The following DIS3L2 variants were observed in gnomAD, a reference collection of about 807,000 sequenced individuals.
DIS3L2 encodes the protein DIS3 like 3'-5' exoribonuclease 2.
DIS3L2 carries 34 observed loss-of-function variants against 97.5 expected under a neutral mutation model. That is an observed-to-expected ratio of 0.35 (90% CI 0.27 to 0.46). DIS3L2 has a LOEUF of 0.46. DIS3L2 is among the 20% of genes least tolerant of loss of function. The pLI, the probability that DIS3L2 is intolerant of heterozygous loss-of-function variation, is 1.00. For synonymous variants in DIS3L2, 435 were observed against 445.2 expected, an observed-to-expected ratio of 0.98 and a Z score of 0.29; for missense variants, 1,038 against 1,146.0, an observed-to-expected ratio of 0.91 and a Z score of 1.36.
At chr2:232,130,883 T>A in intron 7 of DIS3L2, 164 bp downstream of exon 7, 1 of 1,046,390 alleles carries the variant, frequency 9.6e-7, no homozygotes, top group Non-Finnish European at 1.3e-6. Flanking sequence ...TTTAAACATA[T>A]AAATACGAAT....
chr2:232,094,167 G>T (rs1696928911), intron 6 of DIS3L2, among the ~76,000 whole-genome samples: 1 of 152,028 alleles, frequency 6.6e-6, no homozygotes, highest in African/African-American at 2.4e-5. Context: ...TTGTTCCATT[G>T]TGGTCAGAGA....
chr2:232,032,595 G>C (rs530468223), intron 5 of DIS3L2, among the ~76,000 whole-genome samples: 2 of 152,244 alleles, frequency 1.3e-5, no homozygotes, highest in East Asian at 3.9e-4. Context: ...GTCCTGAATG[G>C]TATTGCCTAG....
chr2:232,069,537 G>A (rs950517834), intron 5 of DIS3L2, among the ~76,000 whole-genome samples: 2 of 152,176 alleles, frequency 1.3e-5, no homozygotes, highest in African/African-American at 2.4e-5. Context: ...TCAGATACAG[G>A]GATAATCAGT....
At chr2:232,100,700 A>G (rs1697170756) in intron 6 of DIS3L2, among the ~76,000 whole-genome samples, 1 of 152,084 alleles carries the variant, frequency 6.6e-6, no homozygotes, top group African/African-American at 2.4e-5. Flanking sequence ...TTGTCAGAGT[A>G]TAGGATGTCT....
In DIS3L2 at chr2:232,249,259, G is replaced by T; in HGVS notation, c.1338G>T (p.Arg446Ser). ...LVQKVVPMLP[R>S]LLCEELCSLN... ...TACAGGTGGTCCCCATGCTTCCCAG[G>T]CTGCTGTGTGAGGAGCTGTGCAGCC... Residue 446 changes from arginine to serine, a missense_variant, in exon 12 of 21, where the codon AGG becomes AGT. Arg to Ser is a moderately radical substitution (Grantham distance 110). This residue lies in a region of DIS3L2 where 813 missense variants were observed against 880.1 expected (regional missense o/e 0.92). Coordinates refer to ENST00000325385, the MANE Select transcript of DIS3L2 (RefSeq NM_152383.5). 1 of 1,614,072 alleles carries T rather than the reference G, an allele frequency of 6.2e-7. No homozygotes were observed. Among genetic ancestry groups the T allele is most frequent in the South Asian group, 1.1e-5 (1 of 91,060 alleles).
intron 6 of DIS3L2, among the ~76,000 whole-genome samples, chr2:232,097,850 T>A (rs1697071304): frequency 6.6e-6 from 1 of 152,128 alleles, no homozygotes; most frequent in African/African-American, 2.4e-5. Flanking sequence ...CAGCTGAGAA[T>A]ATGCTGTGTC....
At position 232,007,620 on chromosome 2, in the gene DIS3L2, A is replaced by G. The variant is rs184568578; in HGVS notation, c.-93-7215A>G. 6.6e-5 allele frequency among the ~76,000 whole-genome samples: 10 copies of G among 152,330 alleles called. No homozygotes were observed. The East Asian group carries it at 1.9e-3, about 29-fold the overall frequency. ...TCCCAAAGTGAAGAACACTTTCACC[A>G]TATTAGAAAGGACAGGTATTAAGAA... is the stretch of plus-strand genomic sequence containing the variant. On this transcript the variant is annotated intron_variant, in intron 1 of 20. Coordinates refer to ENST00000325385, the MANE Select transcript of DIS3L2 (RefSeq NM_152383.5).
intron 7 of DIS3L2, 26 bp from the exon 8 acceptor site, chr2:232,136,446 A>G (rs1559666635): frequency 6.2e-7 from 1 of 1,611,862 alleles, no homozygotes; most frequent in Non-Finnish European, 8.5e-7. Flanking sequence ...GATAAACAAC[A>G]TTGACTATAT....
intron 1 of DIS3L2, among the ~76,000 whole-genome samples, chr2:232,001,689 C>T (rs1403038462): frequency 2.2e-5 from 3 of 139,432 alleles, no homozygotes; most frequent in Non-Finnish European, 4.6e-5. Context: ...TTTTCAGTGT[C>T]AGGCCTTACA....
At chr2:232,242,197 A>G (rs903800772) in intron 11 of DIS3L2, among the ~76,000 whole-genome samples, 1 of 152,192 alleles carries the variant, frequency 6.6e-6, no homozygotes, top group Non-Finnish European at 1.5e-5. Flanking sequence ...GAATTAATCT[A>G]TTTCCTTTAA....
intron 9 of DIS3L2, among the ~76,000 whole-genome samples, chr2:232,203,533 G>A (rs1211260795): frequency 6.6e-6 from 1 of 152,194 alleles, no homozygotes; most frequent in East Asian, 1.9e-4. Flanking sequence ...CTCCACAAGA[G>A]CCCTTTGGTC....
intron 8 of DIS3L2, among the ~76,000 whole-genome samples, chr2:232,138,992 A>G (rs910694213): frequency 6.6e-6 from 1 of 152,238 alleles, no homozygotes; most frequent in Non-Finnish European, 1.5e-5. Flanking sequence ...GAGAAATACA[A>G]TGGTAAACAA....
At chr2:232,173,004 G>C (rs949464553) in intron 9 of DIS3L2, among the ~76,000 whole-genome samples, 2 of 152,160 alleles carry the variant, frequency 1.3e-5, no homozygotes, top group Admixed American at 1.3e-4. Flanking sequence ...TGAGCTATAA[G>C]TGTAGTTTCT....
chr2:232,263,482 G>A (rs368923372), intron 13 of DIS3L2, 42 bp downstream of exon 13: 186 of 1,601,040 alleles, frequency 1.2e-4, no homozygotes, highest in African/African-American at 3.1e-4. Flanking sequence ...GATTTGACTC[G>A]TGCCTGAACC....
rs1056135790 is a variant in DIS3L2 at position 232,269,081 on chromosome 2, A to C, written c.1659+5641A>C. On this transcript the variant is annotated intron_variant, in intron 13 of 20. Transcript: ENST00000325385. This position sits in a 1 kb window ranked among gnomAD's most constrained non-coding sequence, Gnocchi z 4.5. ...AGCAGCTCTTCACAGTCAGGTCTTC[A>C]TCCCACCCAAGCCCACTTGCAGAGA... Among the ~76,000 whole-genome samples, 3 of 152,224 alleles carry C rather than the reference A, an allele frequency of 2.0e-5. No homozygotes were observed. The highest frequency in any genetic ancestry group is 4.4e-5 in the Non-Finnish European group (3 of 68,046).
chr2:231,991,674 T>C (rs1490878325), intron 1 of DIS3L2, among the ~76,000 whole-genome samples: 1 of 152,208 alleles, frequency 6.6e-6, no homozygotes, highest in East Asian at 1.9e-4. Context: ...TGCCAAACTG[T>C]GCCTGTAATT....
chr2:232,013,592 C>T (rs550927325), intron 1 of DIS3L2, among the ~76,000 whole-genome samples: 3 of 152,318 alleles, frequency 2.0e-5, no homozygotes, highest in South Asian at 4.1e-4. Flanking sequence ...GATACTCTTT[C>T]TCTCCTGTCA....
rs571133319 is a variant in DIS3L2, at chr2:232,117,029, C to T, written c.602-13590C>T. 2.4e-4 allele frequency among the ~76,000 whole-genome samples: 37 copies of T among 152,310 alleles called. 1 individual carries two copies. Among genetic ancestry groups the T allele is most frequent in the South Asian group, 6.2e-4 (3 of 4,822 alleles). ...GCTAGCTAACCCTCATGTGGCTGCT[C>T]CCCTTGGCTCTGACACTCATTTCAG... On this transcript the variant is annotated intron_variant, in intron 6 of 20. Transcript: ENST00000325385.
At chr2:231,983,334 T>G (rs1040515448) in intron 1 of DIS3L2, among the ~76,000 whole-genome samples, 1 of 152,160 alleles carries the variant, frequency 6.6e-6, no homozygotes, top group Non-Finnish European at 1.5e-5. Context: ...CCCAAAGGCT[T>G]TGAAGGAGAA....
Sources: allele counts gnomAD v4.1 joint callset (sites outside exome capture counted in the v4.1 genomes callset), GRCh38; gene constraint gnomAD v4.1.1; regional missense constraint gnomAD v4.1.1; non-coding constraint Gnocchi (gnomAD v3.1); transcripts MANE v1.5; gene names NCBI Gene and HGNC (gene_info 2026-07-23, HGNC 2026-07-21).